ADK: variants seen among roughly 807,000 people sequenced by gnomAD.
ADK encodes N6,N6-dimethyladenosine kinase.
A neutral mutation model predicts 44.7 loss-of-function variants in ADK; 24 were observed. The observed-to-expected ratio is 0.54, with a 90% CI of 0.39 to 0.76. The LOEUF (loss-of-function observed/expected upper bound fraction) is 0.76, where lower values mean the gene tolerates loss of function less well. Among genes scored for constraint, ADK ranks in the 30% least tolerant of loss-of-function variants. The pLI is 0.00. For missense variants in ADK, 321 were observed against 425.1 expected (o/e 0.76, Z 2.15); for synonymous variants, 128 against 142.6 (o/e 0.90, Z 0.73).
chr10:74,176,574 C>T (rs1483234077), intron 1 of ADK: 3 of 1,353,044 alleles, frequency 2.2e-6, no homozygotes, highest in Non-Finnish European at 2.9e-6. Context: ...AAGATGGCCA[C>T]CGCGCCCGCT....
chr10:74,340,514 G>A (rs186770729), intron 4 of ADK, among the ~76,000 whole-genome samples: 30 of 152,206 alleles, frequency 2.0e-4, no homozygotes, highest in African/African-American at 7.2e-4. Context: ...TTAAAATGAA[G>A]CCATACATAG....
Position 74,657,163 on chromosome 10 carries a change from G to A in ADK, c.878-13020G>A, listed in dbSNP as rs1357611625. On this transcript the variant is annotated intron_variant, in intron 9 of 10. Coordinates refer to ENST00000539909, the MANE Select transcript of ADK (RefSeq NM_006721.4). ...GTGTTCCTCCCACCTTGGCTGAGAC[G>A]ACAGGTGTGAGCCACTGCACGTGGT... Among the ~76,000 whole-genome samples the A allele has an allele frequency of 2.0e-5, 3 of 152,222 alleles. 1 individual carries two copies. The highest frequency in any genetic ancestry group is 4.1e-4 in the South Asian group (2 of 4,826).
chr10:74,215,643 T>C (rs1379539158), intron 2 of ADK, among the ~76,000 whole-genome samples: 3 of 149,694 alleles, frequency 2.0e-5, no homozygotes, highest in African/African-American at 7.4e-5. Flanking sequence ...TTAATAACTT[T>C]ATATAATACT....
intron 6 of ADK, among the ~76,000 whole-genome samples, chr10:74,450,558 GAAT>G (rs896200703): frequency 4.6e-5 from 7 of 152,104 alleles, no homozygotes; most frequent in Admixed American, 1.3e-4. Flanking sequence ...TCACCTCTGA[GAAT>G]AATAAGAAAA....
intron 9 of ADK, among the ~76,000 whole-genome samples, chr10:74,606,417 T>C (rs1287036177): frequency 1.3e-5 from 2 of 152,180 alleles, no homozygotes; most frequent in African/African-American, 4.8e-5. Flanking sequence ...TTTAGCTGTG[T>C]CCCAGAGATT....
At chr10:74,511,662 C>T (rs898827910) in intron 6 of ADK, among the ~76,000 whole-genome samples, 4 of 152,156 alleles carry the variant, frequency 2.6e-5, no homozygotes, top group African/African-American at 9.7e-5. Context: ...TATCCTGCAA[C>T]TTTATGGAAT....
intron 3 of ADK, among the ~76,000 whole-genome samples, chr10:74,271,925 T>G (rs1359423082): frequency 6.6e-6 from 1 of 152,142 alleles, no homozygotes; most frequent in Non-Finnish European, 1.5e-5. Context: ...CTTAGTTTTT[T>G]TCTGAGTAGA....
chr10:74,302,436 A>G (rs903189202), intron 3 of ADK, among the ~76,000 whole-genome samples: 31 of 151,090 alleles, frequency 2.1e-4, no homozygotes, highest in African/African-American at 4.9e-5. Flanking sequence ...TTTGCTTTCA[A>G]ATGGACTGTT....
chr10:74,564,546 C>A (rs1230735836), intron 7 of ADK, among the ~76,000 whole-genome samples: 2 of 151,942 alleles, frequency 1.3e-5, no homozygotes, highest in African/African-American at 4.8e-5. Flanking sequence ...ACCCTGTTTC[C>A]TTTTTTAAAA....
At chr10:74,427,749 G>A (rs1407343187) in intron 6 of ADK, among the ~76,000 whole-genome samples, 3 of 151,954 alleles carry the variant, frequency 2.0e-5, no homozygotes, top group African/African-American at 7.3e-5. Flanking sequence ...GTGTGTGTGT[G>A]TGTGTGTGAA....
chr10:74,671,223 C>CTT (rs567534671), intron 10 of ADK, among the ~76,000 whole-genome samples: 21 of 144,756 alleles, frequency 1.5e-4, no homozygotes, highest in Non-Finnish European at 2.7e-4. Context: ...CATGCCCAGT[C>CTT]TTTTTTTTTT....
At chr10:74,695,470 ATATG>A (rs1436065676) in intron 10 of ADK, among the ~76,000 whole-genome samples, 1 of 139,194 alleles carries the variant, frequency 7.2e-6, no homozygotes, top group Non-Finnish European at 1.5e-5. Context: ...TTGTATATAT[ATATG>A]TGTGTGTGTG....
chr10:74,276,028 T>C lies in ADK; in HGVS notation c.195-38639T>C, dbSNP rs139763652. Among the ~76,000 whole-genome samples, 510 of 152,284 alleles carry C rather than the reference T, an allele frequency of 3.3e-3. 3 individuals carry two copies. The highest frequency in any genetic ancestry group is 0.011 in the African/African-American group (477 of 41,556). ...GGGCACAAATTGTCTTTGCATCGTA[T>C]AGTTTTTATCTTTTGATGTAAAGAG... On this transcript the variant is annotated intron_variant, in intron 3 of 10. Transcript: ENST00000539909.
intron 3 of ADK, among the ~76,000 whole-genome samples, chr10:74,303,858 A>G (rs1206309049): frequency 4.6e-5 from 7 of 151,678 alleles, no homozygotes; most frequent in African/African-American, 1.5e-4. Flanking sequence ...AATCTCAGCT[A>G]TTAGGGAGGC....
At chr10:74,462,899 A>G (rs539225756) in intron 6 of ADK, among the ~76,000 whole-genome samples, 2 of 152,318 alleles carry the variant, frequency 1.3e-5, no homozygotes, top group South Asian at 4.1e-4. Context: ...GATGACTCTC[A>G]TATAAAATTT....
chr10:74,364,643 C>T (rs138296046), intron 4 of ADK, among the ~76,000 whole-genome samples: 235 of 151,112 alleles, frequency 1.6e-3, no homozygotes, highest in African/African-American at 5.4e-3. Context: ...TACAGCTCTT[C>T]TAATGTTTTC....
intron 9 of ADK, among the ~76,000 whole-genome samples, chr10:74,614,284 C>G (rs1189752713): frequency 2.6e-5 from 4 of 151,872 alleles, no homozygotes; most frequent in African/African-American, 7.3e-5. Flanking sequence ...AGATATAAGC[C>G]CTATTATAGC....
intron 7 of ADK, among the ~76,000 whole-genome samples, chr10:74,526,228 G>C (rs545535717): frequency 7.4e-4 from 113 of 151,774 alleles, no homozygotes; most frequent in South Asian, 1.5e-3. Context: ...TATAGTTGAA[G>C]GTGATAAAAT....
intron 6 of ADK, 46 bp downstream of exon 6, chr10:74,398,625 G>T: frequency 9.3e-7 from 1 of 1,080,646 alleles, no homozygotes. Context: ...TTTACATGAT[G>T]GATTATAGTT....
Sources: gnomAD v4.1 joint callset for allele counts (sites outside exome capture counted in the v4.1 genomes callset) on GRCh38, gnomAD v4.1.1 for gene constraint, MANE v1.5 for transcripts, NCBI Gene and HGNC (gene_info 2026-07-23, HGNC 2026-07-21) for gene names.